The following EMB variants were observed in gnomAD, a reference collection of about 807,000 sequenced individuals.
EMB encodes the protein embigin, also known as embigin homolog.
A neutral mutation model predicts 41.4 loss-of-function variants in EMB; 31 were observed. The ratio of observed to expected loss-of-function variants is 0.75; its 90% CI spans 0.56 to 1.01. The LOEUF (loss-of-function observed/expected upper bound fraction) is 1.01. Ranked by LOEUF, EMB falls within the 50% of genes least tolerant of loss-of-function variation. The pLI is 0.00. For synonymous variants in EMB, 137 were observed against 140.4 expected, an observed-to-expected ratio of 0.98 and a Z score of 0.17; for missense variants, 379 against 388.3, an observed-to-expected ratio of 0.98 and a Z score of 0.20.
At chr5:50,423,458 A>C (rs1296045060) in intron 2 of EMB, among the ~76,000 whole-genome samples, 1 of 152,144 alleles carries the variant, frequency 6.6e-6, no homozygotes, top group Non-Finnish European at 1.5e-5. Context: ...TATAATATTC[A>C]TTCTCATGTT....
intron 5 of EMB, 114 bp from the exon 6 acceptor site, chr5:50,403,568 G>T: frequency 8.4e-7 from 1 of 1,194,768 alleles, no homozygotes; most frequent in Non-Finnish European, 1.2e-6. Context: ...ACTAGAGAAA[G>T]GCATATTAAA....
At chr5:50,403,486 A>G (rs1745200964) in intron 5 of EMB, 32 bp from the exon 6 acceptor site, 1 of 1,599,400 alleles carries the variant, frequency 6.3e-7, no homozygotes, top group African/African-American at 1.3e-5. Flanking sequence ...ATCCATTCCT[A>G]TCATAGCACA....
At chr5:50,439,173 A>G (rs1451882930) in intron 1 of EMB, among the ~76,000 whole-genome samples, 1 of 151,980 alleles carries the variant, frequency 6.6e-6, no homozygotes, top group Non-Finnish European at 1.5e-5. Flanking sequence ...ATTCTGACAT[A>G]CAGTCAAGTA....
rs1745115303 is a variant in EMB, at chr5:50,399,000, C to T, written c.*273G>A. 1 of 277,034 alleles carries T rather than the reference C, an allele frequency of 3.6e-6. No individual in the cohort carries two copies. Among genetic ancestry groups the T allele is most frequent in the Non-Finnish European group, 6.9e-6 (1 of 145,722 alleles). The allele number at this position is 277,034 out of a possible 1,614,324, so 17.2% of individuals were successfully genotyped here. A position where few individuals can be genotyped will look rare whatever the true frequency, so the allele number is the denominator to read the frequency against. On this transcript the variant is annotated 3_prime_UTR_variant, in exon 9 of 9. Transcript: ENST00000303221. ...TTAAGTGATTCTGCTGATATCTGTT[C>T]TGTGTGTCCTTTGAAGACCAGAATA...
At chr5:50,424,255 G>T (rs1426003353) in intron 2 of EMB, among the ~76,000 whole-genome samples, 2 of 152,078 alleles carry the variant, frequency 1.3e-5, no homozygotes, top group East Asian at 3.9e-4. Context: ...TGTGGCAGGA[G>T]GGTTTTCAGA....
chr5:50,428,055 T>A, intron 2 of EMB, 89 bp downstream of exon 2: 1 of 873,538 alleles, frequency 1.1e-6, no homozygotes, highest in Non-Finnish European at 1.8e-6. Flanking sequence ...GATTACCACT[T>A]CGCAAAGCAA....
rs573592743 is a variant in EMB at position 50,399,053 on chromosome 5, T to C, written c.*220A>G. 50 of 479,222 alleles carry C rather than the reference T, an allele frequency of 1.0e-4. No individual in the cohort carries two copies. 29.7% of individuals were successfully genotyped at this position (479,222 alleles called of 1,614,324 possible). A position where few individuals can be genotyped will look rare whatever the true frequency, so the allele number is the denominator to read the frequency against. On this transcript the variant is annotated 3_prime_UTR_variant, in exon 9 of 9. Coordinates refer to ENST00000303221, the MANE Select transcript of EMB (RefSeq NM_198449.3). ...ATTAATTTTATTCTGGTCTAACATA[T>C]TTATTCTGATTTACATTGCTTTTAT... is the stretch of plus-strand genomic sequence containing the variant.
At position 50,398,946 on chromosome 5, in the gene EMB, G is replaced by A. The variant is rs1300189362; in HGVS notation, c.*327C>T. The A allele has an allele frequency of 2.1e-5, 4 of 187,894 alleles. No homozygotes were observed. Among genetic ancestry groups the A allele is most frequent in the Non-Finnish European group, 4.4e-5 (4 of 90,914 alleles). The allele number at this position is 187,894 out of a possible 1,614,324, so 11.6% of individuals were successfully genotyped here. A position where few individuals can be genotyped will look rare whatever the true frequency, so the allele number is the denominator to read the frequency against. On this transcript the variant is annotated 3_prime_UTR_variant, in exon 9 of 9. Coordinates refer to ENST00000303221, the MANE Select transcript of EMB (RefSeq NM_198449.3). Reference sequence around the variant, plus strand: ...TCATGAATTCTTTGGTTATAAACAGGTTTTGAGTGATTTTTGTTCTATGAA... The same window carrying A: ...TCATGAATTCTTTGGTTATAAACAGATTTTGAGTGATTTTTGTTCTATGAA...
chr5:50,411,548 C>T (rs1394490720), intron 2 of EMB, 165 bp from the exon 3 acceptor site: 1 of 515,496 alleles, frequency 1.9e-6, no homozygotes, highest in African/African-American at 1.9e-5. Flanking sequence ...TTTCTTATTC[C>T]CTTTTATATG....
rs537242182 is a variant in EMB at position 50,426,769 on chromosome 5, ATAG to A, written c.196+1372_196+1374del. Among the ~76,000 whole-genome samples, 399 of 152,254 alleles carry A rather than the reference ATAG, an allele frequency of 2.6e-3. 1 individual carries two copies. Among genetic ancestry groups the A allele is most frequent in the Non-Finnish European group, 4.5e-3 (306 of 68,008 alleles). On this transcript the variant is annotated intron_variant, in intron 2 of 8. Coordinates refer to ENST00000303221, the MANE Select transcript of EMB (RefSeq NM_198449.3). ...AAATATGAAAACACTCCATTTACAA[ATAG>A]TAGGTTAAAAATCTTAACAGCAGTA...
chr5:50,424,715 G>T (rs1182357446), intron 2 of EMB, among the ~76,000 whole-genome samples: 1 of 152,104 alleles, frequency 6.6e-6, no homozygotes, highest in Non-Finnish European at 1.5e-5. Context: ...AATATCTGGA[G>T]ACATATCCAG....
At position 50,428,468 on chromosome 5, in the gene EMB, C is replaced by CT. The variant is rs1016989893; in HGVS notation, c.113-242dup. The CT allele has an allele frequency of 4.7e-5, 53 of 1,135,318 alleles. No homozygotes were observed. In the East Asian group the frequency reaches 6.0e-4, roughly 13 times the overall value. 70.3% of individuals were successfully genotyped at this position (1,135,318 alleles called of 1,614,324 possible). A position where few individuals can be genotyped will look rare whatever the true frequency, so the allele number is the denominator to read the frequency against. On this transcript the variant is annotated intron_variant, in intron 1 of 8. Coordinates refer to ENST00000303221, the MANE Select transcript of EMB (RefSeq NM_198449.3). ...ATCCCTACTGACTTACATCAGATGG[C>CT]TTTTTTTAAATAACGCCTTCCATTT...
intron 1 of EMB, among the ~76,000 whole-genome samples, chr5:50,437,641 G>C (rs1180141755): frequency 6.6e-6 from 1 of 151,476 alleles, no homozygotes; most frequent in Non-Finnish European, 1.5e-5. Flanking sequence ...GGTAAAAACT[G>C]CCAGCATGTT....
At chr5:50,440,032 A>G (rs1745871532) in intron 1 of EMB, among the ~76,000 whole-genome samples, 1 of 152,170 alleles carries the variant, frequency 6.6e-6, no homozygotes, top group Non-Finnish European at 1.5e-5. Context: ...TGGCTTTGTT[A>G]ATGTTTTGCA....
At chr5:50,424,153 A>C (rs1745571212) in intron 2 of EMB, among the ~76,000 whole-genome samples, 2 of 152,278 alleles carry the variant, frequency 1.3e-5, no homozygotes, top group Admixed American at 1.3e-4. Context: ...TCATGCCCTG[A>C]TCACCAATTT....
chr5:50,415,509 T>C (rs1009344205), intron 2 of EMB, among the ~76,000 whole-genome samples: 2 of 152,222 alleles, frequency 1.3e-5, no homozygotes, highest in African/African-American at 4.8e-5. Context: ...CTTCTCACCA[T>C]TATCTCACTG....
chr5:50,401,432 T>C (rs1285569382), intron 7 of EMB, among the ~76,000 whole-genome samples: 1 of 152,038 alleles, frequency 6.6e-6, no homozygotes, highest in Admixed American at 6.6e-5. Flanking sequence ...GTGTTAGTTA[T>C]AGTTGCTCAG....
At chr5:50,438,189 T>G (rs1470749501) in intron 1 of EMB, among the ~76,000 whole-genome samples, 1 of 152,254 alleles carries the variant, frequency 6.6e-6, no homozygotes, top group Non-Finnish European at 1.5e-5. Context: ...CCAAATTTCC[T>G]GCTCTGCTGC....
rs746475487 is a variant in EMB at position 50,399,914 on chromosome 5, C to T, written c.912-1G>A. On this transcript the variant is annotated splice_acceptor_variant, in intron 7 of 8. Transcript: ENST00000303221. LOFTEE classifies it high-confidence loss of function. ...TATACCATTGCTATCATCTGATTTC[C>T]TGCACAGAAAACAAAAAAGAAAATT... 6 of 1,601,332 alleles carry T rather than the reference C, an allele frequency of 3.7e-6. No homozygotes were observed. The Admixed American group carries it at 1.0e-4, about 28-fold the overall frequency.
Sources: allele counts gnomAD v4.1 joint callset (sites outside exome capture counted in the v4.1 genomes callset), GRCh38; gene constraint gnomAD v4.1.1; transcripts MANE v1.5; gene names NCBI Gene and HGNC (gene_info 2026-07-23, HGNC 2026-07-21).